The following AGO1 variants were observed in gnomAD, a reference collection of about 807,000 sequenced individuals.
AGO1 encodes the protein argonaute RISC component 1, also known as protein argonaute-1.
In AGO1, 11 loss-of-function variants were observed where a neutral mutation model predicts 109.2. The ratio of observed to expected loss-of-function variants is 0.10; its 90% CI spans 0.06 to 0.17. The LOEUF is 0.17. Among genes scored for constraint, AGO1 ranks in the 10% least tolerant of loss-of-function variants. AGO1 has a pLI of 1.00. For missense variants in AGO1, 574 were observed against 1,140.3 expected (o/e 0.50, Z 7.15); for synonymous variants, 422 against 418.6 (o/e 1.01, Z -0.10).
chr1:35,915,801 AT>A (rs1157544248), intron 15 of AGO1, among the ~76,000 whole-genome samples: 1 of 152,226 alleles, frequency 6.6e-6, no homozygotes, highest in Non-Finnish European at 1.5e-5. Flanking sequence ...TAGACCAGTG[AT>A]TCTCAAATGC....
At position 35,928,266 on chromosome 1, in the gene AGO1, T is replaced by C. The variant is rs747536325; in HGVS notation, c.*8659T>C. ...CTTACTATCCCCATATCTTTGTTGT[T>C]TGCATCTTTTACCCATTGTATTTGT... On this transcript the variant is annotated 3_prime_UTR_variant, in exon 19 of 19. Coordinates refer to ENST00000373204, the MANE Select transcript of AGO1 (RefSeq NM_012199.5). 6.6e-6 allele frequency: 1 copy of C among 152,182 alleles called. No homozygotes were observed. Among genetic ancestry groups the C allele is most frequent in the Non-Finnish European group, 1.5e-5 (1 of 68,044 alleles). 9.4% of individuals were successfully genotyped at this position (152,182 alleles called of 1,614,324 possible).
In AGO1 at chr1:35,894,146, C is replaced by T. The variant is rs747113992; in HGVS notation, c.759C>T (p.Arg253=). The change falls in exon 6 of 19, where the codon CGC becomes CGT. Residue 253 remains arginine (R), a synonymous_variant. Transcript: ENST00000373204. ...CCAAGCCCCTCACGGACTCTCAGCG[C>T]GTTCGCTTCACCAAGGAGATCAAGG... is the stretch of plus-strand genomic sequence containing the variant. ...EQPKPLTDSQ[R]VRFTKEIKGL... is the part of the protein sequence containing the mutation. The T allele has an allele frequency of 1.9e-5, 30 of 1,578,374 alleles. No homozygotes were observed. The highest frequency in any genetic ancestry group is 1.1e-4 in the Admixed American group (6 of 54,798).
chr1:35,917,662 A>C lies in AGO1; in HGVS notation c.2098A>C (p.Ile700Leu), dbSNP rs1557623594. ...ACTGGAAAAGGACTACCAGCCTGGGATCACTTATATTGTGGTGCAGAAACG... is the reference window on the plus strand; with the variant it reads ...ACTGGAAAAGGACTACCAGCCTGGGCTCACTTATATTGTGGTGCAGAAACG... ...IKLEKDYQPG[I>L]TYIVVQKRHH... The change falls in exon 16 of 19, where the codon ATC becomes CTC. Residue 700 changes from isoleucine to leucine, a missense_variant. By Grantham distance (5) the Ile-to-Leu change is conservative. Coordinates refer to ENST00000373204, the MANE Select transcript of AGO1 (RefSeq NM_012199.5). The C allele has an allele frequency of 6.2e-7, 1 of 1,613,852 alleles. No individual in the cohort carries two copies. The highest frequency in any genetic ancestry group is 1.7e-5 in the Admixed American group (1 of 60,016).
At chr1:35,870,575 C>T (rs1306094558) in intron 1 of AGO1, among the ~76,000 whole-genome samples, 1 of 152,180 alleles carries the variant, frequency 6.6e-6, no homozygotes. Flanking sequence ...AGCCACCGCG[C>T]CTGGCCATAT....
At chr1:35,902,139 T>C in intron 10 of AGO1, 65 bp from the exon 11 acceptor site, 1 of 1,588,250 alleles carries the variant, frequency 6.3e-7, no homozygotes, top group Non-Finnish European at 8.6e-7. Context: ...AGCCAGGGGC[T>C]TTTGCTCCCC....
At chr1:35,897,739 A>T (rs1055626490) in intron 8 of AGO1, among the ~76,000 whole-genome samples, 2 of 152,204 alleles carry the variant, frequency 1.3e-5, no homozygotes, top group Non-Finnish European at 2.9e-5. Flanking sequence ...AAAAAAAAAT[A>T]AAAAAACAGC....
chr1:35,888,371 T>TA lies in AGO1; in HGVS notation c.26-54dup. ...CTGGGAGGCCTTGTTCCTCCTCTGA[T>TA]AAGAGTAGTTAGGAGATTGCCAGAC... On this transcript the variant is annotated intron_variant, in intron 1 of 18. Coordinates refer to ENST00000373204, the MANE Select transcript of AGO1 (RefSeq NM_012199.5). The surrounding 1 kb of genome is among the most constrained non-coding windows in gnomAD (Gnocchi z 4.1). 5 of 1,574,444 alleles carry TA rather than the reference T, an allele frequency of 3.2e-6. No individual in the cohort carries two copies. In the Middle Eastern group the frequency reaches 9.9e-4, roughly 311 times the overall value.
chr1:35,915,065 C>T (rs555178077), intron 14 of AGO1, among the ~76,000 whole-genome samples: 3 of 152,256 alleles, frequency 2.0e-5, no homozygotes, highest in Admixed American at 2.0e-4. Flanking sequence ...ATCAGTTTAT[C>T]AAGTACCTAC....
rs548907675 is a variant in AGO1 at position 35,888,260 on chromosome 1, C to A, written c.26-167C>A. On this transcript the variant is annotated intron_variant, in intron 1 of 18. Transcript: ENST00000373204. The surrounding 1 kb of genome is among the most constrained non-coding windows in gnomAD (Gnocchi z 4.1). ...TAAAAAAGAAAAAAGAGAAAAAACA[C>A]AGATGAGCTTGAGATGTCCCCTGGA... 1.3e-5 allele frequency among the ~76,000 whole-genome samples: 2 copies of A among 152,170 alleles called. No individual in the cohort carries two copies. The highest frequency in any genetic ancestry group is 4.8e-5 in the African/African-American group (2 of 41,446).
intron 16 of AGO1, 84 bp from the exon 17 acceptor site, chr1:35,918,238 G>A: frequency 9.3e-7 from 1 of 1,075,864 alleles, no homozygotes; most frequent in South Asian, 1.3e-5. Flanking sequence ...TTGGGATTTT[G>A]GTGAAATCAG....
chr1:35,880,744 C>T (rs1011076250), upstream of AGO1, among the ~76,000 whole-genome samples: 2 of 152,208 alleles, frequency 1.3e-5, no homozygotes, highest in African/African-American at 4.8e-5. Flanking sequence ...ACTGCAACCT[C>T]TGCCTCCCAG....
chr1:35,926,291 C>T lies in AGO1; in HGVS notation c.*6684C>T, dbSNP rs1645926152. The T allele has an allele frequency of 6.6e-6, 1 of 152,188 alleles. No homozygotes were observed. Among genetic ancestry groups the T allele is most frequent in the African/African-American group, 2.4e-5 (1 of 41,438 alleles). 9.4% of individuals were successfully genotyped at this position (152,188 alleles called of 1,614,324 possible). ...AGACTGGGAGCCTGCATTGTTTGGT[C>T]CTGGAGCTCAAGGTTTTCAGTGAAG... On this transcript the variant is annotated 3_prime_UTR_variant, in exon 19 of 19. Coordinates refer to ENST00000373204, the MANE Select transcript of AGO1 (RefSeq NM_012199.5).
chr1:35,915,209 G>C (rs938926702), intron 14 of AGO1, 139 bp from the exon 15 acceptor site: 13 of 646,512 alleles, frequency 2.0e-5, no homozygotes, highest in Non-Finnish European at 3.2e-5. Context: ...ATAGAATAGA[G>C]ATTGAAACCA....
At chr1:35,882,842 C>T (rs2148705687), upstream of AGO1, 1 of 985,360 alleles carries the variant, frequency 1.0e-6, no homozygotes, top group African/African-American at 1.7e-5. This position sits in a 1 kb window ranked among gnomAD's most constrained non-coding sequence, Gnocchi z 5.1. Context: ...GGAGGCAGGG[C>T]CCCTGGGCGC....
At chr1:35,879,369 AC>A (rs1361724256), upstream of AGO1, among the ~76,000 whole-genome samples, 1 of 151,708 alleles carries the variant, frequency 6.6e-6, no homozygotes, top group African/African-American at 2.4e-5. Context: ...AATCGCTTGA[AC>A]CCGGGAGGTG....
chr1:35,901,681 A>G lies in AGO1; in HGVS notation c.1140+88A>G, dbSNP rs1376869960. 9 of 1,592,230 alleles carry G rather than the reference A, an allele frequency of 5.7e-6. No homozygotes were observed. The highest frequency in any genetic ancestry group is 1.3e-5 in the African/African-American group (1 of 74,274). ...CCCAGCAGGACCTTCCTTCAGGAGA[A>G]CCCAAGTCTAGATTTGTTGCCTAGG... On this transcript the variant is annotated intron_variant, in intron 9 of 18. Coordinates refer to ENST00000373204, the MANE Select transcript of AGO1 (RefSeq NM_012199.5). This position sits in a 1 kb window ranked among gnomAD's most constrained non-coding sequence, Gnocchi z 4.8.
At position 35,907,124 on chromosome 1, in the gene AGO1, A is replaced by G. The variant is rs1238834180; in HGVS notation, c.1582+5A>G. The stretch of plus-strand genomic sequence containing the variant: ...CAGGGAAGACGCCGGTGTATGGTAC[A>G]GTTCTCTTGGGACAGTGATAATGGT... On this transcript the variant is annotated splice_donor_5th_base_variant and intron_variant, in intron 12 of 18. Transcript: ENST00000373204. The G allele has an allele frequency of 1.2e-6, 2 of 1,608,126 alleles. No individual in the cohort carries two copies. Among genetic ancestry groups the G allele is most frequent in the Non-Finnish European group, 8.5e-7 (1 of 1,176,502 alleles).
chr1:35,892,955 C>A, intron 3 of AGO1, 142 bp from the exon 4 acceptor site: 1 of 947,720 alleles, frequency 1.1e-6, no homozygotes, highest in South Asian at 1.7e-5. Flanking sequence ...GTGGCTAGAA[C>A]CTAAGGGGCT....
rs7512720 is a variant in AGO1 at position 35,917,652 on chromosome 1, C to T, written c.2088C>T (p.Tyr696=). 4.6e-4 allele frequency: 748 copies of T among 1,613,916 alleles called. 3 individuals carry two copies. In the African/African-American group the frequency reaches 8.5e-3, roughly 18 times the overall value. The change falls in exon 16 of 19, where the codon TAC becomes TAT. Residue 696 remains tyrosine, a synonymous_variant. Coordinates refer to ENST00000373204, the MANE Select transcript of AGO1 (RefSeq NM_012199.5). ...RDACIKLEKD[Y]QPGITYIVVQ... ...CCTGCATCAAACTGGAAAAGGACTA[C>T]CAGCCTGGGATCACTTATATTGTGG... is the stretch of plus-strand genomic sequence containing the variant.
Sources: gnomAD v4.1 joint callset for allele counts (sites outside exome capture counted in the v4.1 genomes callset) on GRCh38, gnomAD v4.1.1 for gene constraint, Gnocchi (gnomAD v3.1) non-coding constraint, MANE v1.5 for transcripts, NCBI Gene and HGNC (gene_info 2026-07-23, HGNC 2026-07-21) for gene names.